The following ARHGAP31 variants were observed in gnomAD, a reference collection of about 807,000 sequenced individuals.
The protein encoded by ARHGAP31 is Rho GTPase activating protein 31.
ARHGAP31 carries 34 observed loss-of-function variants against 113.9 expected under a neutral mutation model. The observed-to-expected ratio is 0.30, with a 90% CI of 0.23 to 0.40. The LOEUF (loss-of-function observed/expected upper bound fraction) is 0.40, where lower values mean the gene tolerates loss of function less well. Among genes scored for constraint, ARHGAP31 ranks in the 10% least tolerant of loss-of-function variants. The pLI is 1.00. For missense variants in ARHGAP31, 1,548 were observed against 1,767.1 expected, an observed-to-expected ratio of 0.88 and a Z score of 2.22; for synonymous variants, 650 against 684.8, an observed-to-expected ratio of 0.95 and a Z score of 0.79.
At chr3:119,321,143 T>C (rs756685065) in intron 1 of ARHGAP31, among the ~76,000 whole-genome samples, 4 of 151,986 alleles carry the variant, frequency 2.6e-5, no homozygotes, top group Non-Finnish European at 5.9e-5. Flanking sequence ...ACCCATCCTC[T>C]TTAACTTCCA....
chr3:119,413,258 A>G (rs1426640023), intron 11 of ARHGAP31, among the ~76,000 whole-genome samples: 1 of 150,330 alleles, frequency 6.7e-6, no homozygotes, highest in Non-Finnish European at 1.5e-5. Context: ...CAGGGGTTGC[A>G]GTGAGCTGAG....
At chr3:119,346,331 G>A (rs558166718) in intron 1 of ARHGAP31, among the ~76,000 whole-genome samples, 9 of 152,176 alleles carry the variant, frequency 5.9e-5, no homozygotes, top group Admixed American at 2.6e-4. Context: ...TCAGCTACTC[G>A]CTATTTAAGA....
At chr3:119,327,797 A>T (rs148726979) in intron 1 of ARHGAP31, among the ~76,000 whole-genome samples, 1,717 of 152,362 alleles carry the variant, frequency 0.011, 92 homozygotes, top group Admixed American at 0.092. Flanking sequence ...GCCTAGAACA[A>T]TATTGGATAC....
chr3:119,386,723 T>C (rs2080452419), intron 6 of ARHGAP31, among the ~76,000 whole-genome samples: 1 of 152,150 alleles, frequency 6.6e-6, no homozygotes, highest in South Asian at 2.1e-4. Context: ...ATTTATTGGA[T>C]ACAAGGCAGA....
intron 1 of ARHGAP31, among the ~76,000 whole-genome samples, chr3:119,333,043 C>T (rs546660564): frequency 6.6e-6 from 1 of 152,208 alleles, no homozygotes; most frequent in Non-Finnish European, 1.5e-5. Flanking sequence ...TAAGGGCCAA[C>T]TTGGATAAGA....
At chr3:119,354,812 G>A (rs2080142178) in intron 1 of ARHGAP31, among the ~76,000 whole-genome samples, 1 of 151,166 alleles carries the variant, frequency 6.6e-6, no homozygotes, top group Non-Finnish European at 1.5e-5. Flanking sequence ...AATATACTGG[G>A]GAAGAGGTAG....
chr3:119,335,147 A>G (rs1217585904), intron 1 of ARHGAP31, among the ~76,000 whole-genome samples: 1 of 152,192 alleles, frequency 6.6e-6, no homozygotes, highest in Non-Finnish European at 1.5e-5. Flanking sequence ...TATGCAGACT[A>G]TAATTTCACT....
rs1355669650 is a variant in ARHGAP31 at position 119,333,454 on chromosome 3, T to A, written c.101-31862T>A. Among the ~76,000 whole-genome samples, 3 of 152,224 alleles carry A rather than the reference T, an allele frequency of 2.0e-5. No individual in the cohort carries two copies. In the East Asian group the frequency reaches 5.8e-4, roughly 29 times the overall value. On this transcript the variant is annotated intron_variant, in intron 1 of 11. Coordinates refer to ENST00000264245, the MANE Select transcript of ARHGAP31 (RefSeq NM_020754.4). The stretch of plus-strand genomic sequence containing the variant: ...GTAGTACTAGAATTTGTTCATTACG[T>A]TTACTCCAGCTATATTCTTTTTAAA...
At chr3:119,307,891 G>A (rs566542411) in intron 1 of ARHGAP31, among the ~76,000 whole-genome samples, 39 of 131,404 alleles carry the variant, frequency 3.0e-4, no homozygotes, top group Non-Finnish European at 4.7e-4. Flanking sequence ...GGAAGTTGAC[G>A]GAATGAGGTA....
At chr3:119,326,716 C>A (rs543953263) in intron 1 of ARHGAP31, among the ~76,000 whole-genome samples, 11 of 152,268 alleles carry the variant, frequency 7.2e-5, no homozygotes, top group African/African-American at 2.6e-4. Flanking sequence ...GTGCGTTTTG[C>A]CACACATGAT....
At chr3:119,311,262 G>T (rs746219490) in intron 1 of ARHGAP31, among the ~76,000 whole-genome samples, 9 of 152,140 alleles carry the variant, frequency 5.9e-5, no homozygotes, top group Non-Finnish European at 8.8e-5. Flanking sequence ...TGTATTAGGT[G>T]TCTGCAGGGC....
chr3:119,364,249 G>T, intron 1 of ARHGAP31, among the ~76,000 whole-genome samples: 3 of 114,176 alleles, frequency 2.6e-5, no homozygotes. Flanking sequence ...AGGTGGGGGG[G>T]CCGTTCTTAC....
chr3:119,372,304 A>G (rs1159856068), intron 3 of ARHGAP31, among the ~76,000 whole-genome samples: 5 of 140,548 alleles, frequency 3.6e-5, no homozygotes, highest in Non-Finnish European at 7.7e-5. Flanking sequence ...TTTTTTTGAG[A>G]CAGAGTCTCA....
chr3:119,399,295 T>TC, intron 9 of ARHGAP31, 34 bp downstream of exon 9: 5 of 1,551,676 alleles, frequency 3.2e-6, no homozygotes, highest in Non-Finnish European at 4.5e-6. Context: ...GAGTTGGAGA[T>TC]TACAACTAGG....
chr3:119,389,597 A>G (rs1421274802), intron 6 of ARHGAP31, among the ~76,000 whole-genome samples: 2 of 152,030 alleles, frequency 1.3e-5, no homozygotes, highest in Non-Finnish European at 2.9e-5. Flanking sequence ...GAAACACCCC[A>G]TTGTCACATA....
At chr3:119,341,619 G>A (rs2080008809) in intron 1 of ARHGAP31, among the ~76,000 whole-genome samples, 1 of 152,136 alleles carries the variant, frequency 6.6e-6, no homozygotes, top group African/African-American at 2.4e-5. Context: ...TCTGATAACA[G>A]TATGACTCCT....
At chr3:119,358,821 G>A (rs76541780) in intron 1 of ARHGAP31, among the ~76,000 whole-genome samples, 2,841 of 152,220 alleles carry the variant, frequency 0.019, 84 homozygotes, top group African/African-American at 0.063. Context: ...GTTGATTAGT[G>A]GCTGTTGGAG....
intron 1 of ARHGAP31, among the ~76,000 whole-genome samples, chr3:119,363,668 T>C (rs1049569210): frequency 4.6e-5 from 7 of 152,200 alleles, no homozygotes; most frequent in African/African-American, 1.4e-4. Flanking sequence ...AGGTAGAATG[T>C]TGAGTCTGAA....
At chr3:119,356,558 G>T (rs1230502430) in intron 1 of ARHGAP31, among the ~76,000 whole-genome samples, 1 of 151,812 alleles carries the variant, frequency 6.6e-6, no homozygotes, top group Non-Finnish European at 1.5e-5. Context: ...TTGAACCCAG[G>T]AGGCAGAGGT....
Sources: gnomAD v4.1 joint callset for allele counts (sites outside exome capture counted in the v4.1 genomes callset) on GRCh38, gnomAD v4.1.1 for gene constraint, MANE v1.5 for transcripts, NCBI Gene and HGNC (gene_info 2026-07-23, HGNC 2026-07-21) for gene names.